The following GRM7 variants were observed in gnomAD, a reference collection of about 807,000 sequenced individuals.
GRM7 encodes the protein metabotropic glutamate receptor 7.
A neutral mutation model predicts 84.5 loss-of-function variants in GRM7; 35 were observed. The ratio of observed to expected loss-of-function variants is 0.41; its 90% CI spans 0.32 to 0.55. GRM7 has a LOEUF of 0.55. Ranked by LOEUF, GRM7 falls within the 20% of genes least tolerant of loss-of-function variation. GRM7 has a pLI of 0.19. For missense variants in GRM7, 1,003 were observed against 1,194.6 expected, an observed-to-expected ratio of 0.84 and a Z score of 2.36; for synonymous variants, 487 against 455.1, an observed-to-expected ratio of 1.07 and a Z score of -0.89.
At position 7,274,483 on chromosome 3, in the gene GRM7, T is replaced by A. The variant is rs574878437; in HGVS notation, c.737-24201T>A. On this transcript the variant is annotated intron_variant, in intron 2 of 9. Transcript: ENST00000357716. ...CTTAGTTTATTTTTATCTGAGAAAG[T>A]CTTCATTTGCCCTTCACTTTTGAAG... Among the ~76,000 whole-genome samples, 103 of 152,184 alleles carry A rather than the reference T, an allele frequency of 6.8e-4. 4 individuals are homozygous for A. In the Middle Eastern group the frequency reaches 0.01, roughly 15 times the overall value.
chr3:6,875,862 T>A (rs563944144), intron 1 of GRM7, among the ~76,000 whole-genome samples: 1 of 152,308 alleles, frequency 6.6e-6, no homozygotes, highest in Admixed American at 6.5e-5. Flanking sequence ...ATTGTTATAT[T>A]TTTATAATTT....
At chr3:6,885,570 G>T (rs969354770) in intron 1 of GRM7, among the ~76,000 whole-genome samples, 4 of 152,172 alleles carry the variant, frequency 2.6e-5, no homozygotes, top group African/African-American at 9.7e-5. Context: ...GACCCCCAAA[G>T]CCTAGTCCTG....
chr3:7,073,857 C>T (rs1697969061), intron 1 of GRM7, among the ~76,000 whole-genome samples: 1 of 152,012 alleles, frequency 6.6e-6, no homozygotes, highest in African/African-American at 2.4e-5. Flanking sequence ...AGTAAGCATC[C>T]TGAGGAAGGT....
chr3:7,244,653 A>T (rs544267205), intron 2 of GRM7, among the ~76,000 whole-genome samples: 2 of 152,130 alleles, frequency 1.3e-5, no homozygotes. Context: ...AACTCCCACA[A>T]GATTAAGATG....
intron 2 of GRM7, among the ~76,000 whole-genome samples, chr3:7,199,984 G>T (rs1348939494): frequency 6.6e-6 from 1 of 152,220 alleles, no homozygotes; most frequent in Admixed American, 6.5e-5. Context: ...AGGCTGGGAA[G>T]TTCAAGTGCA....
intron 7 of GRM7, among the ~76,000 whole-genome samples, chr3:7,564,566 G>A (rs1694173929): frequency 6.6e-6 from 1 of 152,174 alleles, no homozygotes; most frequent in African/African-American, 2.4e-5. Flanking sequence ...AGCTGGAAAA[G>A]TTGAAGCTCG....
At chr3:7,736,193 C>A (rs1379379841) in intron 9 of GRM7, among the ~76,000 whole-genome samples, 1 of 152,090 alleles carries the variant, frequency 6.6e-6, no homozygotes, top group Non-Finnish European at 1.5e-5. Context: ...CATCTTGAAT[C>A]TATGTTTTTA....
At chr3:7,439,436 T>C (rs948508922) in intron 5 of GRM7, among the ~76,000 whole-genome samples, 3 of 152,146 alleles carry the variant, frequency 2.0e-5, no homozygotes, top group Non-Finnish European at 2.9e-5. Context: ...CCAGAAAAGG[T>C]TGATACTCTG....
intron 2 of GRM7, among the ~76,000 whole-genome samples, chr3:7,199,654 A>G (rs1449546841): frequency 6.6e-6 from 1 of 152,144 alleles, no homozygotes; most frequent in East Asian, 1.9e-4. Flanking sequence ...TCTAGTTGGG[A>G]GAGGCCAGGG....
intron 7 of GRM7, among the ~76,000 whole-genome samples, chr3:7,565,841 C>T (rs1037639056): frequency 6.6e-6 from 1 of 152,190 alleles, no homozygotes; most frequent in Non-Finnish European, 1.5e-5. Context: ...ATTCAACTCT[C>T]TAAGGAAGTA....
rs144336707 is a variant in GRM7, at chr3:6,889,341, C to A, written c.519+27434C>A. 4.1e-3 allele frequency among the ~76,000 whole-genome samples: 630 copies of A among 152,254 alleles called. 7 individuals carry two copies. The highest frequency in any genetic ancestry group is 0.014 in the African/African-American group (595 of 41,544). ...CAAAGGGAATGCTTCCAGTTTTCGT[C>A]CATTCAGTATGATATTGGCTGTGGG... On this transcript the variant is annotated intron_variant, in intron 1 of 9. Coordinates refer to ENST00000357716, the MANE Select transcript of GRM7 (RefSeq NM_000844.4).
At chr3:7,181,163 A>G (rs923488485) in intron 2 of GRM7, among the ~76,000 whole-genome samples, 7 of 152,204 alleles carry the variant, frequency 4.6e-5, no homozygotes, top group Non-Finnish European at 7.3e-5. Context: ...ATATGTTACA[A>G]TTAAGCTCTT....
At chr3:7,672,076 T>G (rs1699938689) in intron 8 of GRM7, among the ~76,000 whole-genome samples, 1 of 151,930 alleles carries the variant, frequency 6.6e-6, no homozygotes, top group African/African-American at 2.4e-5. Flanking sequence ...CTCCCTCCCC[T>G]GCCCCGGGGG....
chr3:7,060,838 T>C (rs1574848720), intron 1 of GRM7, among the ~76,000 whole-genome samples: 1 of 151,728 alleles, frequency 6.6e-6, no homozygotes, highest in African/African-American at 2.4e-5. Flanking sequence ...GACAGTGTCT[T>C]TGAAGCATAT....
chr3:7,087,014 G>A (rs1286996308), intron 1 of GRM7, among the ~76,000 whole-genome samples: 1 of 152,080 alleles, frequency 6.6e-6, no homozygotes, highest in Non-Finnish European at 1.5e-5. Flanking sequence ...CCTGGATAAG[G>A]CTATGAGTGC....
At chr3:7,089,370 T>C (rs765224708) in intron 1 of GRM7, among the ~76,000 whole-genome samples, 17 of 152,220 alleles carry the variant, frequency 1.1e-4, no homozygotes, top group Non-Finnish European at 1.9e-4. Flanking sequence ...GTATATCCAG[T>C]TTCTTTTAAG....
At chr3:7,055,869 C>G (rs1177268913) in intron 1 of GRM7, among the ~76,000 whole-genome samples, 2 of 151,856 alleles carry the variant, frequency 1.3e-5, no homozygotes, top group African/African-American at 2.4e-5. Context: ...CACTCATGGC[C>G]CTCTCAGTAT....
At chr3:6,973,969 C>T (rs946717980) in intron 1 of GRM7, among the ~76,000 whole-genome samples, 9 of 152,106 alleles carry the variant, frequency 5.9e-5, no homozygotes, top group Non-Finnish European at 1.5e-5. Flanking sequence ...GAAAACTGAA[C>T]AGAGAGACCA....
rs185931324 is a variant in GRM7, at chr3:7,185,324, T to A, written c.736+38656T>A. The stretch of plus-strand genomic sequence containing the variant: ...CAACGAGAGTTGAGAAGTGATGGGG[T>A]TTTTTTGGCTTTGGTTGTATTATTT... On this transcript the variant is annotated intron_variant, in intron 2 of 9. Coordinates refer to ENST00000357716, the MANE Select transcript of GRM7 (RefSeq NM_000844.4). 3.9e-5 allele frequency among the ~76,000 whole-genome samples: 6 copies of A among 152,012 alleles called. No homozygotes were observed. The East Asian group carries it at 1.2e-3, about 30-fold the overall frequency.
Sources: gnomAD v4.1 joint callset for allele counts (sites outside exome capture counted in the v4.1 genomes callset) on GRCh38, gnomAD v4.1.1 for gene constraint, MANE v1.5 for transcripts, NCBI Gene and HGNC (gene_info 2026-07-23, HGNC 2026-07-21) for gene names.